The following MDGA2 variants were observed in gnomAD, a reference collection of about 807,000 sequenced individuals.
MDGA2 encodes the protein MAM domain-containing glycosylphosphatidylinositol anchor protein 2.
MDGA2 carries 40 observed loss-of-function variants against 117.8 expected under a neutral mutation model. The observed-to-expected ratio is 0.34, with a 90% CI of 0.26 to 0.44. The LOEUF (loss-of-function observed/expected upper bound fraction) is 0.44, where lower values mean the gene tolerates loss of function less well. Ranked by LOEUF, MDGA2 falls within the 20% of genes least tolerant of loss-of-function variation. MDGA2 has a pLI of 1.00. For synonymous variants in MDGA2, 452 were observed against 439.0 expected, an observed-to-expected ratio of 1.03 and a Z score of -0.37; for missense variants, 1,123 against 1,250.6, an observed-to-expected ratio of 0.90 and a Z score of 1.54.
At chr14:47,529,898 T>C (rs570573524) in intron 1 of MDGA2, among the ~76,000 whole-genome samples, 99 of 152,316 alleles carry the variant, frequency 6.5e-4, no homozygotes, top group African/African-American at 2.1e-3. Flanking sequence ...TTTGCCATAG[T>C]GGTTAGACTG....
At chr14:46,963,327 C>A in intron 8 of MDGA2, among the ~76,000 whole-genome samples, 1 of 152,176 alleles carries the variant, frequency 6.6e-6, no homozygotes, top group Non-Finnish European at 1.5e-5. Context: ...CAATGTACTT[C>A]TTTTGTTCTC....
intron 1 of MDGA2, among the ~76,000 whole-genome samples, chr14:47,439,122 A>G (rs971639218): frequency 5.3e-5 from 8 of 151,372 alleles, no homozygotes; most frequent in African/African-American, 1.9e-4. Flanking sequence ...GGTTAATAAT[A>G]AAAAAAAAGA....
At chr14:47,286,595 G>T (rs1888677716) in intron 2 of MDGA2, among the ~76,000 whole-genome samples, 1 of 151,718 alleles carries the variant, frequency 6.6e-6, no homozygotes, top group African/African-American at 2.4e-5. Flanking sequence ...ACATTCCATT[G>T]TGTGTTTATA....
At chr14:47,019,865 C>A (rs930937913) in intron 8 of MDGA2, among the ~76,000 whole-genome samples, 1 of 151,644 alleles carries the variant, frequency 6.6e-6, no homozygotes, top group African/African-American at 2.4e-5. Context: ...AATTATCTAC[C>A]TGGTAAAGGA....
intron 14 of MDGA2, chr14:46,870,901 A>T (rs556076588): frequency 2.0e-4 from 30 of 152,096 alleles, no homozygotes; most frequent in Admixed American, 1.4e-3. Context: ...TCTCATAAAT[A>T]AGGTGAACAT....
At chr14:47,536,393 T>C (rs1322247426) in intron 1 of MDGA2, among the ~76,000 whole-genome samples, 1 of 152,180 alleles carries the variant, frequency 6.6e-6, no homozygotes, top group African/African-American at 2.4e-5. Context: ...CACAAAGAAA[T>C]GAATAAGTAA....
chr14:47,271,928 T>C (rs1447018048), intron 2 of MDGA2, among the ~76,000 whole-genome samples: 2 of 152,260 alleles, frequency 1.3e-5, no homozygotes, highest in Non-Finnish European at 2.9e-5. Context: ...ACTTTTAAGT[T>C]GATAGTTTGC....
rs1031951336 is a variant in MDGA2, at chr14:47,242,624, G to C, written c.421-24429C>G. On this transcript the variant is annotated intron_variant, in intron 2 of 16. Transcript: ENST00000399232. The stretch of plus-strand genomic sequence containing the variant: ...GGAGGGTGTACTGAGTCCCCCAGCA[G>C]TGCTGGCCCACCAGCGCTGCGCTCG... Among the ~76,000 whole-genome samples, 5 of 151,906 alleles carry C rather than the reference G, an allele frequency of 3.3e-5. 1 individual carries two copies. The highest frequency in any genetic ancestry group is 4.8e-5 in the African/African-American group (2 of 41,516).
At chr14:46,912,854 G>A (rs912032641) in intron 10 of MDGA2, among the ~76,000 whole-genome samples, 7 of 152,116 alleles carry the variant, frequency 4.6e-5, no homozygotes, top group Non-Finnish European at 5.9e-5. Context: ...TAAACACATT[G>A]TAAAATTAGT....
chr14:47,257,028 T>C (rs1887644613), intron 2 of MDGA2, among the ~76,000 whole-genome samples: 1 of 151,986 alleles, frequency 6.6e-6, no homozygotes, highest in Non-Finnish European at 1.5e-5. Context: ...GAAAAGGATA[T>C]ATACAGGAAC....
intron 2 of MDGA2, among the ~76,000 whole-genome samples, chr14:47,271,004 T>C (rs1888126529): frequency 6.6e-6 from 1 of 152,192 alleles, no homozygotes; most frequent in African/African-American, 2.4e-5. Context: ...CCTCCTCTTC[T>C]GTCTGTTTGC....
chr14:47,349,220 G>A (rs1890825959), intron 1 of MDGA2, among the ~76,000 whole-genome samples: 2 of 152,176 alleles, frequency 1.3e-5, no homozygotes, highest in Admixed American at 6.5e-5. Context: ...CTGTCAGAGG[G>A]CAGTAAAGTT....
chr14:46,922,916 C>T (rs1296202572), intron 9 of MDGA2, among the ~76,000 whole-genome samples: 5 of 152,236 alleles, frequency 3.3e-5, no homozygotes, highest in Middle Eastern at 3.4e-3. Flanking sequence ...AGGAAATATT[C>T]GAAGCATTTC....
intron 2 of MDGA2, among the ~76,000 whole-genome samples, chr14:47,278,147 A>T (rs189119729): frequency 1.2e-4 from 19 of 152,268 alleles, no homozygotes; most frequent in East Asian, 7.7e-4. Context: ...ATAAATAAAT[A>T]AATTAATTAA....
chr14:46,989,325 A>G (rs1369274614), intron 8 of MDGA2, among the ~76,000 whole-genome samples: 2 of 147,976 alleles, frequency 1.4e-5, no homozygotes, highest in African/African-American at 5.1e-5. Flanking sequence ...TGCACTGGAA[A>G]AAAAAAAGGG....
intron 9 of MDGA2, among the ~76,000 whole-genome samples, chr14:46,934,007 A>C (rs1337299655): frequency 1.3e-5 from 2 of 151,442 alleles, no homozygotes; most frequent in African/African-American, 4.8e-5. Context: ...TTCTCAAAAT[A>C]AGTTTAGTTA....
At chr14:47,414,966 T>C (rs966497410) in intron 1 of MDGA2, among the ~76,000 whole-genome samples, 2 of 152,098 alleles carry the variant, frequency 1.3e-5, no homozygotes, top group Admixed American at 6.5e-5. Context: ...ACAATCTTAA[T>C]AGTGAAAATG....
At chr14:47,472,561 A>C (rs1594874592) in intron 1 of MDGA2, among the ~76,000 whole-genome samples, 2 of 152,156 alleles carry the variant, frequency 1.3e-5, no homozygotes, top group Non-Finnish European at 1.5e-5. Flanking sequence ...CGACAAGGTA[A>C]TGTAGGTTTA....
chr14:47,100,820 T>C (rs146112248), intron 5 of MDGA2, among the ~76,000 whole-genome samples: 183 of 152,248 alleles, frequency 1.2e-3, no homozygotes, highest in Non-Finnish European at 2.2e-3. Context: ...TAGTGTCAAA[T>C]TGTGGCTCCA....
Sources: gnomAD v4.1 joint callset for allele counts (sites outside exome capture counted in the v4.1 genomes callset) on GRCh38, gnomAD v4.1.1 for gene constraint, MANE v1.5 for transcripts, NCBI Gene and HGNC (gene_info 2026-07-23, HGNC 2026-07-21) for gene names.